The following ASTN2 variants were observed in gnomAD, a reference collection of about 807,000 sequenced individuals.
ASTN2 encodes the protein astrotactin 2.
In ASTN2, 54 loss-of-function variants were observed where a neutral mutation model predicts 139.8. That is an observed-to-expected ratio of 0.39 (90% CI 0.31 to 0.48). ASTN2 has a LOEUF of 0.48. Ranked by LOEUF, ASTN2 falls within the 20% of genes least tolerant of loss-of-function variation. The pLI is 0.95. For synonymous variants in ASTN2, 756 were observed against 719.5 expected (o/e 1.05, Z -0.81); for missense variants, 1,565 against 1,725.1 (o/e 0.91, Z 1.64).
intron 19 of ASTN2, among the ~76,000 whole-genome samples, chr9:116,521,752 C>T (rs1453567628): frequency 2.0e-5 from 3 of 152,112 alleles, no homozygotes; most frequent in Non-Finnish European, 2.9e-5. Context: ...ACAATCCATA[C>T]AACTGACAAA....
chr9:117,019,868 C>A (rs1837823494), intron 6 of ASTN2, among the ~76,000 whole-genome samples: 1 of 152,076 alleles, frequency 6.6e-6, no homozygotes, highest in African/African-American at 2.4e-5. Flanking sequence ...ACAACAATAC[C>A]TAACATATAA....
intron 1 of ASTN2, among the ~76,000 whole-genome samples, chr9:117,299,811 T>C (rs1834831932): frequency 6.6e-6 from 1 of 152,198 alleles, no homozygotes; most frequent in African/African-American, 2.4e-5. Flanking sequence ...GGTGAATGGA[T>C]GGACCACAGT....
chr9:116,907,787 G>A (rs1370181511), intron 10 of ASTN2, among the ~76,000 whole-genome samples: 3 of 152,142 alleles, frequency 2.0e-5, no homozygotes, highest in African/African-American at 7.2e-5. Context: ...GACAGAAGGC[G>A]GGAGGTAAGG....
chr9:117,060,737 C>CA (rs202007410), intron 5 of ASTN2, among the ~76,000 whole-genome samples: 7 of 150,980 alleles, frequency 4.6e-5, no homozygotes, highest in African/African-American at 9.7e-5. Flanking sequence ...ACTAAAAATA[C>CA]AAAAAAAATT....
intron 11 of ASTN2, among the ~76,000 whole-genome samples, chr9:116,859,783 T>C (rs1203276745): frequency 6.6e-6 from 1 of 152,302 alleles, no homozygotes; most frequent in East Asian, 1.9e-4. Flanking sequence ...ACTTGCTATA[T>C]AGCACAGGTT....
chr9:116,919,011 C>CTT (rs144283238), intron 10 of ASTN2, among the ~76,000 whole-genome samples: 1 of 148,166 alleles, frequency 6.7e-6, no homozygotes, highest in African/African-American at 2.5e-5. Flanking sequence ...TCATTTTGGG[C>CTT]TTTTTTTTTT....
Position 117,141,386 on chromosome 9 carries a change from G to A in ASTN2, c.1108C>T (p.Leu370=). ...RANTPIEIGQ[L]QPPLRSTSAG... ...GATGTGCTGCGCAGGGGTGGTTGCA[G>A]CTGACCGATCTCGATGGGCGTGTTA... The change falls in exon 4 of 23, where the codon CTG becomes TTG. Residue 370 remains leucine, a synonymous_variant. Transcript: ENST00000313400. 1 of 1,367,542 alleles carries A rather than the reference G, an allele frequency of 7.3e-7. No homozygotes were observed. Among genetic ancestry groups the A allele is most frequent in the Non-Finnish European group, 9.8e-7 (1 of 1,021,848 alleles). 84.7% of individuals were successfully genotyped at this position (1,367,542 alleles called of 1,614,324 possible).
intron 6 of ASTN2, among the ~76,000 whole-genome samples, chr9:117,013,488 T>TA (rs1564384141): frequency 0.032 from 732 of 22,588 alleles, 13 homozygotes; most frequent in Non-Finnish European, 0.072. Context: ...ATATATATAT[T>TA]TTTTTTTTTC....
At chr9:116,966,707 A>T (rs1261633231) in intron 10 of ASTN2, among the ~76,000 whole-genome samples, 1 of 132,122 alleles carries the variant, frequency 7.6e-6, no homozygotes, top group African/African-American at 2.6e-5. Flanking sequence ...ATTTTCTTTA[A>T]AAAAAAAAAA....
chr9:116,740,199 T>C (rs1313566248), intron 13 of ASTN2, among the ~76,000 whole-genome samples: 1 of 152,242 alleles, frequency 6.6e-6, no homozygotes, highest in Non-Finnish European at 1.5e-5. Context: ...ACAATGCCAG[T>C]GGGCAGCAAA....
intron 1 of ASTN2, among the ~76,000 whole-genome samples, chr9:117,386,472 AAC>A (rs1458812074): frequency 1.3e-5 from 2 of 152,164 alleles, no homozygotes; most frequent in African/African-American, 4.8e-5. Flanking sequence ...AGCAGGAGCT[AAC>A]CTCAGCTGAT....
chr9:116,680,920 C>T (rs955517244), intron 16 of ASTN2, among the ~76,000 whole-genome samples: 1 of 152,152 alleles, frequency 6.6e-6, no homozygotes, highest in African/African-American at 2.4e-5. Context: ...CAATATCATA[C>T]TGAATAGACA....
At chr9:116,889,021 T>C (rs1833691375) in intron 10 of ASTN2, among the ~76,000 whole-genome samples, 1 of 152,150 alleles carries the variant, frequency 6.6e-6, no homozygotes, top group Non-Finnish European at 1.5e-5. Context: ...CTGAAAAGGA[T>C]TTAGTCTCAT....
intron 10 of ASTN2, among the ~76,000 whole-genome samples, chr9:116,948,796 T>TG: frequency 1.6e-5 from 2 of 122,820 alleles, no homozygotes; most frequent in African/African-American, 6.5e-5. Flanking sequence ...TTTTTTTTTT[T>TG]TTTTTTTTTT....
intron 17 of ASTN2, among the ~76,000 whole-genome samples, chr9:116,641,131 T>A (rs922255867): frequency 7.9e-5 from 12 of 152,186 alleles, no homozygotes; most frequent in African/African-American, 2.9e-4. Flanking sequence ...ACTGTACTTT[T>A]ATTTTATGGT....
chr9:116,701,851 T>A (rs2132081104), intron 16 of ASTN2, among the ~76,000 whole-genome samples: 1 of 151,418 alleles, frequency 6.6e-6, no homozygotes, highest in Non-Finnish European at 1.5e-5. Flanking sequence ...CCCAAGAAAC[T>A]AATTTGTTCA....
intron 3 of ASTN2, among the ~76,000 whole-genome samples, chr9:117,155,039 AAG>A (rs547369879): frequency 6.8e-4 from 104 of 152,078 alleles, no homozygotes; most frequent in African/African-American, 2.5e-3. Context: ...GGAGCAAAAG[AAG>A]AGTGTGGAGG....
chr9:117,030,066 C>G (rs1838204744), intron 6 of ASTN2, among the ~76,000 whole-genome samples: 1 of 152,068 alleles, frequency 6.6e-6, no homozygotes, highest in South Asian at 2.1e-4. Flanking sequence ...TACCCAAGGT[C>G]ACAAAACTAG....
intron 6 of ASTN2, among the ~76,000 whole-genome samples, chr9:117,018,936 G>T (rs1489968789): frequency 6.6e-6 from 1 of 152,108 alleles, no homozygotes; most frequent in Non-Finnish European, 1.5e-5. Context: ...AAATTGCACA[G>T]CTAGGAAACT....
Sources: gnomAD v4.1 joint callset for allele counts (sites outside exome capture counted in the v4.1 genomes callset) on GRCh38, gnomAD v4.1.1 for gene constraint, MANE v1.5 for transcripts, NCBI Gene and HGNC (gene_info 2026-07-23, HGNC 2026-07-21) for gene names.